Variants in POLN observed in about 807,000 individuals in gnomAD.
POLN encodes the protein DNA polymerase nu.
POLN carries 108 observed loss-of-function variants against 113.5 expected under a neutral mutation model. That is an observed-to-expected ratio of 0.95 (90% CI 0.81 to 1.12). POLN has a LOEUF of 1.12. Among genes scored for constraint, POLN ranks in the 50% most tolerant of loss-of-function variants. POLN has a pLI of 0.00. For synonymous variants in POLN, 386 were observed against 391.5 expected (o/e 0.99, Z 0.17); for missense variants, 1,097 against 1,077.1 (o/e 1.02, Z -0.26).
intron 20 of POLN, among the ~76,000 whole-genome samples, chr4:2,091,070 A>C (rs1017095728): frequency 6.6e-6 from 1 of 152,196 alleles, no homozygotes; most frequent in Non-Finnish European, 1.5e-5. Flanking sequence ...GAAATTCACC[A>C]GTGCCATTCC....
chr4:2,085,484 G>C, intron 21 of POLN, 129 bp downstream of exon 21: 1 of 1,184,586 alleles, frequency 8.4e-7, no homozygotes, highest in Non-Finnish European at 1.2e-6. Context: ...TAAGAGCTGA[G>C]GATTCACCCA....
At chr4:2,152,426 C>A (rs1353063523) in intron 16 of POLN, among the ~76,000 whole-genome samples, 1 of 149,364 alleles carries the variant, frequency 6.7e-6, no homozygotes, top group East Asian at 2.0e-4. Context: ...ACTGCAGCCT[C>A]AAACTCCTGG....
chr4:2,218,112 C>T (rs1283116325), intron 3 of POLN, among the ~76,000 whole-genome samples: 1 of 151,932 alleles, frequency 6.6e-6, no homozygotes, highest in Admixed American at 6.6e-5. Flanking sequence ...CACAGTAAGA[C>T]CCAGTCTCTT....
At chr4:2,144,867 G>C (rs141650254) in intron 16 of POLN, among the ~76,000 whole-genome samples, 7 of 152,176 alleles carry the variant, frequency 4.6e-5, no homozygotes, top group Admixed American at 2.6e-4. Context: ...GCAACGGAAC[G>C]ATGACCACGT....
intron 19 of POLN, among the ~76,000 whole-genome samples, chr4:2,110,944 G>T (rs1012223940): frequency 6.6e-6 from 1 of 152,162 alleles, no homozygotes; most frequent in Non-Finnish European, 1.5e-5. Flanking sequence ...CAAAAAAAGA[G>T]AATTGTAGAC....
intron 16 of POLN, among the ~76,000 whole-genome samples, chr4:2,148,858 G>T (rs1732218343): frequency 6.6e-6 from 1 of 152,184 alleles, no homozygotes; most frequent in African/African-American, 2.4e-5. Context: ...ATTATGTGAA[G>T]ATAGTGATGA....
intron 2 of POLN, chr4:2,240,798 T>C: frequency 6.2e-7 from 1 of 1,613,978 alleles, no homozygotes; most frequent in Non-Finnish European, 8.5e-7. Context: ...CAACACGTTC[T>C]GTTCATTCAC....
At chr4:2,114,003 G>A (rs1731260781) in intron 19 of POLN, among the ~76,000 whole-genome samples, 1 of 151,254 alleles carries the variant, frequency 6.6e-6, no homozygotes, top group Non-Finnish European at 1.5e-5. Flanking sequence ...GGGCTCAGGT[G>A]ATCCTCCCAT....
chr4:2,176,725 C>T (rs1471868933), intron 8 of POLN, among the ~76,000 whole-genome samples: 1 of 152,152 alleles, frequency 6.6e-6, no homozygotes, highest in African/African-American at 2.4e-5. Context: ...TACCACCTTG[C>T]ACCCACGCAC....
At chr4:2,148,148 G>C (rs1732196155) in intron 16 of POLN, among the ~76,000 whole-genome samples, 1 of 152,198 alleles carries the variant, frequency 6.6e-6, no homozygotes, top group Non-Finnish European at 1.5e-5. Context: ...GGAGGACACA[G>C]ACTGAGGTTC....
At chr4:2,174,169 G>T in intron 10 of POLN, 150 bp from the exon 11 acceptor site, 1 of 755,456 alleles carries the variant, frequency 1.3e-6, no homozygotes, top group Non-Finnish European at 2.3e-6. Context: ...CACAGGATCT[G>T]TCAGGATCCC....
Position 2,170,724 on chromosome 4 carries a change from G to A in POLN, c.1509C>T (p.Leu503=), listed in dbSNP as rs1173628082. 1.9e-6 allele frequency: 3 copies of A among 1,614,068 alleles called. No individual in the cohort carries two copies. The highest frequency in any genetic ancestry group is 1.3e-5 in the African/African-American group (1 of 74,920). ...KLHLLSQRNS[L]PRTGLQKYPS... The stretch of plus-strand genomic sequence containing the variant: ...GGTATTTCTGCAACCCCGTTCTGGG[G>A]AGACTGTTCCTTTGACTCAGCAGGT... The change falls in exon 13 of 26, where the codon CTC becomes CTT. Residue 503 remains leucine (L), a synonymous_variant. Coordinates refer to ENST00000511885, the MANE Select transcript of POLN (RefSeq NM_181808.4).
chr4:2,180,125 G>T (rs1054029105), intron 7 of POLN, among the ~76,000 whole-genome samples: 1 of 152,216 alleles, frequency 6.6e-6, no homozygotes, highest in Non-Finnish European at 1.5e-5. Context: ...CTGAGCCTGG[G>T]AGGCCACCTC....
intron 23 of POLN, chr4:2,079,073 G>T (rs1472337817): frequency 7.5e-6 from 2 of 266,964 alleles, no homozygotes; most frequent in African/African-American, 2.3e-5. Flanking sequence ...GGGACTACAG[G>T]TGTGCACCAC....
chr4:2,238,757 C>G (rs150198664), intron 2 of POLN: 2 of 1,613,556 alleles, frequency 1.2e-6, no homozygotes, highest in African/African-American at 1.3e-5. Flanking sequence ...ATATATGTCC[C>G]GATGCTTTCT....
intron 7 of POLN, among the ~76,000 whole-genome samples, chr4:2,191,880 C>T (rs1233685750): frequency 6.6e-6 from 1 of 151,798 alleles, no homozygotes. Context: ...TTTGGGAGGC[C>T]GAGGCGGGGA....
At chr4:2,129,878 G>A (rs985854366) in intron 17 of POLN, among the ~76,000 whole-genome samples, 2 of 152,144 alleles carry the variant, frequency 1.3e-5, no homozygotes, top group East Asian at 3.9e-4. Flanking sequence ...GTCTATGTGG[G>A]AAGGGGCAGC....
intron 2 of POLN, chr4:2,240,914 T>C (rs1249541649): frequency 5.0e-6 from 8 of 1,597,760 alleles, no homozygotes; most frequent in Non-Finnish European, 6.8e-6. Flanking sequence ...CAATTTTTTT[T>C]AATGTTTCCA....
chr4:2,132,431 A>G lies in POLN; in HGVS notation c.1732-1141T>C, dbSNP rs921119326. ...TGTGCAGAAAAAAGTTTTCTTAAAG[A>G]AATAATGGCTTCAAATTCTGAAATT... On this transcript the variant is annotated intron_variant, in intron 16 of 25. Coordinates refer to ENST00000511885, the MANE Select transcript of POLN (RefSeq NM_181808.4). Among the ~76,000 whole-genome samples the G allele has an allele frequency of 3.9e-5, 6 of 152,340 alleles. No individual in the cohort carries two copies. In the East Asian group the frequency reaches 1.2e-3, roughly 29 times the overall value.
Sources: allele counts gnomAD v4.1 joint callset (sites outside exome capture counted in the v4.1 genomes callset), GRCh38; gene constraint gnomAD v4.1.1; transcripts MANE v1.5; gene names NCBI Gene and HGNC (gene_info 2026-07-23, HGNC 2026-07-21).